Variants in BANK1 observed in about 807,000 individuals in gnomAD.
BANK1 encodes the protein B cell scaffold protein with ankyrin repeats 1, also known as B-cell scaffold protein with ankyrin repeats.
Under a neutral mutation model 94.5 loss-of-function variants are expected in BANK1, and 95 were observed. That is an observed-to-expected ratio of 1.00 (90% CI 0.85 to 1.19). The LOEUF is 1.19. Among genes scored for constraint, BANK1 ranks in the 50% most tolerant of loss-of-function variants. The pLI, the probability that BANK1 is intolerant of heterozygous loss-of-function variation, is 0.00. For synonymous variants in BANK1, 334 were observed against 308.4 expected (o/e 1.08, Z -0.87); for missense variants, 987 against 932.2 (o/e 1.06, Z -0.77).
intron 5 of BANK1, among the ~76,000 whole-genome samples, chr4:101,893,768 C>G (rs561726168): frequency 6.6e-6 from 1 of 152,042 alleles, no homozygotes; most frequent in African/African-American, 2.4e-5. Context: ...ATGCTAAAAC[C>G]TAAATAAGTT....
chr4:101,904,527 A>G (rs535954561), intron 6 of BANK1, among the ~76,000 whole-genome samples: 2 of 152,324 alleles, frequency 1.3e-5, no homozygotes, highest in South Asian at 2.1e-4. Flanking sequence ...ATCAAAAATT[A>G]TTTCCTAATC....
chr4:102,020,782 A>G (rs1160948227), intron 7 of BANK1, among the ~76,000 whole-genome samples: 1 of 152,162 alleles, frequency 6.6e-6, no homozygotes, highest in Non-Finnish European at 1.5e-5. Context: ...CCTGGTAACA[A>G]AACACATCCT....
At chr4:102,057,260 T>TTC (rs900964613) in intron 11 of BANK1, among the ~76,000 whole-genome samples, 1 of 145,016 alleles carries the variant, frequency 6.9e-6, no homozygotes, top group Non-Finnish European at 1.5e-5. Context: ...CTCTTTCTCT[T>TTC]TCTCTCTCTC....
At chr4:101,852,396 T>G (rs953018701) in intron 2 of BANK1, among the ~76,000 whole-genome samples, 6 of 147,244 alleles carry the variant, frequency 4.1e-5, no homozygotes, top group African/African-American at 1.2e-4. Flanking sequence ...ATGTTATTAA[T>G]ATTATATATT....
Position 101,883,139 on chromosome 4 carries a change from T to C in BANK1, c.904-12166T>C, listed in dbSNP as rs145253382. Among the ~76,000 whole-genome samples, 622 of 152,340 alleles carry C rather than the reference T, an allele frequency of 4.1e-3. 4 individuals carry two copies. Among genetic ancestry groups the C allele is most frequent in the African/African-American group, 0.014 (564 of 41,582 alleles). On this transcript the variant is annotated intron_variant, in intron 5 of 16. Transcript: ENST00000322953. ...TAAGTGACATTTCTTTTGTGCTGCA[T>C]TTCCACCTGTAATAATAGTCAAAGG...
intron 2 of BANK1, among the ~76,000 whole-genome samples, chr4:101,854,798 A>G (rs1202633660): frequency 1.3e-5 from 2 of 152,194 alleles, no homozygotes; most frequent in Non-Finnish European, 2.9e-5. Context: ...ACACTTAACT[A>G]GTAGATGAAC....
At chr4:102,023,766 G>T (rs530248613) in intron 8 of BANK1, among the ~76,000 whole-genome samples, 1 of 152,334 alleles carries the variant, frequency 6.6e-6, no homozygotes, top group South Asian at 2.1e-4. Context: ...AAGCAGAAGT[G>T]TGGCTAAGAA....
chr4:102,007,113 A>AAAT lies in BANK1; in HGVS notation c.1207-14401_1207-14400insAAT, dbSNP rs1553940673. On this transcript the variant is annotated intron_variant, in intron 7 of 16. Coordinates refer to ENST00000322953, the MANE Select transcript of BANK1 (RefSeq NM_017935.5). ...ATATAATATATTTATATATATATAA[A>AAAT]TATATATTTTATATATATATAAAAA... Among the ~76,000 whole-genome samples the AAAT allele has an allele frequency of 1.0e-3, 97 of 93,478 alleles. 5 individuals are homozygous for AAAT. The highest frequency in any genetic ancestry group is 3.8e-3 in the African/African-American group (92 of 24,010). 61.3% of individuals were successfully genotyped at this position (93,478 alleles called of 152,430 possible).
At position 101,975,446 on chromosome 4, in the gene BANK1, T is replaced by C. The variant is rs965717538; in HGVS notation, c.1207-46068T>C. On this transcript the variant is annotated intron_variant, in intron 7 of 16. Coordinates refer to ENST00000322953, the MANE Select transcript of BANK1 (RefSeq NM_017935.5). ...AAGCCATTACAGTTCATTAGAGAGA[T>C]TGTAGAATATGGTGGTTAGAGCATG... 3.9e-5 allele frequency among the ~76,000 whole-genome samples: 6 copies of C among 152,120 alleles called. No homozygotes were observed. In the South Asian group the frequency reaches 8.3e-4, roughly 21 times the overall value.
At chr4:101,972,160 A>G (rs1724979723) in intron 7 of BANK1, among the ~76,000 whole-genome samples, 1 of 151,926 alleles carries the variant, frequency 6.6e-6, no homozygotes, top group Non-Finnish European at 1.5e-5. Context: ...GTTTTTGTGA[A>G]TCTTTGATAG....
intron 7 of BANK1, among the ~76,000 whole-genome samples, chr4:102,004,158 A>G (rs112374750): frequency 4.6e-4 from 70 of 152,224 alleles, no homozygotes; most frequent in Middle Eastern, 3.4e-3. Context: ...CAGGAACTTT[A>G]TCATATTTTA....
At chr4:101,994,510 T>A (rs926588484) in intron 7 of BANK1, among the ~76,000 whole-genome samples, 1 of 152,224 alleles carries the variant, frequency 6.6e-6, no homozygotes. Context: ...TCTGTTTTTT[T>A]AAAAAATATA....
At chr4:101,934,331 C>A (rs536426041) in intron 7 of BANK1, among the ~76,000 whole-genome samples, 1 of 151,120 alleles carries the variant, frequency 6.6e-6, no homozygotes, top group Non-Finnish European at 1.5e-5. Context: ...TTACTAGGGG[C>A]GTAGACTGAA....
At chr4:101,832,093 G>A (rs1481161990) in intron 2 of BANK1, among the ~76,000 whole-genome samples, 1 of 152,224 alleles carries the variant, frequency 6.6e-6, no homozygotes, top group Non-Finnish European at 1.5e-5. Context: ...ATTGCTGAAT[G>A]TTTAAGAGTT....
chr4:101,806,949 A>G (rs1050788674), intron 1 of BANK1, among the ~76,000 whole-genome samples: 35 of 152,324 alleles, frequency 2.3e-4, no homozygotes, highest in Non-Finnish European at 4.4e-4. Context: ...CCCTAACCCA[A>G]TATCAGATGA....
intron 7 of BANK1, among the ~76,000 whole-genome samples, chr4:101,977,800 G>C (rs1725185739): frequency 6.6e-6 from 1 of 152,018 alleles, no homozygotes; most frequent in Admixed American, 6.6e-5. Flanking sequence ...AAAAATGATA[G>C]AACTATTACA....
At chr4:101,797,215 T>C (rs1725186249) in intron 1 of BANK1, among the ~76,000 whole-genome samples, 1 of 152,160 alleles carries the variant, frequency 6.6e-6, no homozygotes, top group South Asian at 2.1e-4. Context: ...TCAGATGTGA[T>C]CAATTAAGTC....
chr4:101,914,914 T>C (rs1722780765), intron 6 of BANK1, among the ~76,000 whole-genome samples: 1 of 152,178 alleles, frequency 6.6e-6, no homozygotes, highest in Non-Finnish European at 1.5e-5. Context: ...CCAAATGGAC[T>C]GCAAACAGGA....
intron 7 of BANK1, among the ~76,000 whole-genome samples, chr4:101,977,941 T>C (rs978103662): frequency 1.6e-5 from 2 of 121,938 alleles, no homozygotes; most frequent in Admixed American, 1.7e-4. Context: ...TTTTAAAATT[T>C]AGGGGTTTTG....
Sources: allele counts gnomAD v4.1 joint callset (sites outside exome capture counted in the v4.1 genomes callset), GRCh38; gene constraint gnomAD v4.1.1; transcripts MANE v1.5; gene names NCBI Gene and HGNC (gene_info 2026-07-23, HGNC 2026-07-21).